Variants in MYO5A observed in about 807,000 individuals in gnomAD.
MYO5A encodes unconventional myosin-Va.
MYO5A carries 98 observed loss-of-function variants against 249.7 expected under a neutral mutation model. The ratio of observed to expected loss-of-function variants is 0.39; its 90% CI spans 0.33 to 0.46. The LOEUF is 0.46. Ranked by LOEUF, MYO5A falls within the 20% of genes least tolerant of loss-of-function variation. MYO5A has a pLI of 0.98. For synonymous variants in MYO5A, 778 were observed against 810.6 expected, an observed-to-expected ratio of 0.96 and a Z score of 0.68; for missense variants, 1,696 against 2,308.8, an observed-to-expected ratio of 0.73 and a Z score of 5.44.
In MYO5A at chr15:52,327,961, G is replaced by A; in HGVS notation, c.4601C>T (p.Pro1534Leu). The A allele has an allele frequency of 1.2e-6, 2 of 1,613,372 alleles. No individual in the cohort carries two copies. Among genetic ancestry groups the A allele is most frequent in the Non-Finnish European group, 1.7e-6 (2 of 1,179,440 alleles). ...GVAVNLIPGL[P>L]AYILFMCVRH... ...AACACACATGAACAGGATATATGCC[G>A]GTAATCCTGGAATCAAATTGACTGC... The change falls in exon 36 of 42, where the codon CCG (proline) becomes CTG (leucine). Residue 1534 changes from proline to leucine, a missense_variant. By Grantham distance (98) the Pro-to-Leu change is moderately conservative. Transcript: ENST00000399233.
intron 21 of MYO5A, among the ~76,000 whole-genome samples, chr15:52,371,569 A>C (rs1007026229): frequency 6.6e-6 from 1 of 152,168 alleles, no homozygotes; most frequent in Non-Finnish European, 1.5e-5. Context: ...TAAAGGTTTG[A>C]AGCATTAGTA....
At chr15:52,418,120 T>G (rs1185681429) in intron 4 of MYO5A, among the ~76,000 whole-genome samples, 1 of 152,130 alleles carries the variant, frequency 6.6e-6, no homozygotes, top group Non-Finnish European at 1.5e-5. Context: ...AAATGAAGGC[T>G]CAGAATCAGA....
chr15:52,496,441 C>T (rs1288860090), intron 1 of MYO5A, among the ~76,000 whole-genome samples: 1 of 152,168 alleles, frequency 6.6e-6, no homozygotes, highest in Non-Finnish European at 1.5e-5. Context: ...ACTAGGTTGC[C>T]ACTCCTGGTC....
intron 29 of MYO5A, among the ~76,000 whole-genome samples, chr15:52,348,599 G>A (rs2039774696): frequency 6.6e-6 from 1 of 152,152 alleles, no homozygotes; most frequent in Non-Finnish European, 1.5e-5. Flanking sequence ...TAGAAGTCAT[G>A]GAGTCCCCTC....
rs1157117343 is a variant in MYO5A at position 52,312,596 on chromosome 15, G to A, written c.*1100C>T. 2.0e-5 allele frequency: 3 copies of A among 152,228 alleles called. No individual in the cohort carries two copies. The highest frequency in any genetic ancestry group is 7.2e-5 in the African/African-American group (3 of 41,448). 9.4% of individuals were successfully genotyped at this position (152,228 alleles called of 1,614,324 possible). A position where few individuals can be genotyped will look rare whatever the true frequency, so the allele number is the denominator to read the frequency against. On this transcript the variant is annotated 3_prime_UTR_variant, in exon 42 of 42. Transcript: ENST00000399233. ...TGGTCTCCAACTCCTAACCTGAAGT[G>A]ATCCGCCCACCTTGGCTTCCCAAAG...
chr15:52,372,915 G>T (rs1456170733), intron 20 of MYO5A, among the ~76,000 whole-genome samples: 1 of 151,590 alleles, frequency 6.6e-6, no homozygotes, highest in Non-Finnish European at 1.5e-5. Context: ...GTCTGTAGAG[G>T]CCAACACTTG....
At chr15:52,366,481 T>C (rs116419295) in intron 23 of MYO5A, among the ~76,000 whole-genome samples, 1,658 of 152,014 alleles carry the variant, frequency 0.011, 25 homozygotes, top group African/African-American at 0.038. Context: ...ATATGTGGAT[T>C]CCTTATAAAC....
intron 1 of MYO5A, among the ~76,000 whole-genome samples, chr15:52,507,263 C>A (rs1232452196): frequency 2.0e-5 from 3 of 152,194 alleles, no homozygotes; most frequent in Non-Finnish European, 4.4e-5. Context: ...TAGTTAATTA[C>A]AACTGGGTGC....
In MYO5A at chr15:52,312,923, A is replaced by C. The variant is rs534394579; in HGVS notation, c.*773T>G. On this transcript the variant is annotated 3_prime_UTR_variant, in exon 42 of 42. Coordinates refer to ENST00000399233, the MANE Select transcript of MYO5A (RefSeq NM_001382347.1). The stretch of plus-strand genomic sequence containing the variant: ...ACTACATGACTTTCCAGTGTCTGCT[A>C]CTTGTGCAGGTGAATCTGTAGGTAT... 9.8e-5 allele frequency: 15 copies of C among 152,662 alleles called. No homozygotes were observed. The highest frequency in any genetic ancestry group is 3.6e-4 in the African/African-American group (15 of 41,576). The allele number at this position is 152,662 out of a possible 1,614,324, so 9.5% of individuals were successfully genotyped here.
chr15:52,435,910 C>T (rs1029277842), intron 1 of MYO5A, among the ~76,000 whole-genome samples: 3 of 152,130 alleles, frequency 2.0e-5, no homozygotes, highest in Admixed American at 6.6e-5. Context: ...ATAGCCATCA[C>T]AGTTTTTTTG....
chr15:52,334,450 CAT>C (rs1487197864), intron 34 of MYO5A, among the ~76,000 whole-genome samples: 2 of 152,008 alleles, frequency 1.3e-5, no homozygotes, highest in East Asian at 1.9e-4. Context: ...CATTATAGCT[CAT>C]GTGTGTGTGA....
chr15:52,488,478 T>C (rs1426833791), intron 1 of MYO5A, among the ~76,000 whole-genome samples: 2 of 152,204 alleles, frequency 1.3e-5, no homozygotes. Flanking sequence ...ATTACAAATA[T>C]CAAAATTCTG....
intron 9 of MYO5A, among the ~76,000 whole-genome samples, chr15:52,399,243 G>A (rs1035536511): frequency 1.3e-5 from 2 of 152,000 alleles, no homozygotes; most frequent in African/African-American, 2.4e-5. Flanking sequence ...TATATCTTTC[G>A]AGGCTATGTC....
At chr15:52,485,047 G>A (rs2076789324) in intron 1 of MYO5A, among the ~76,000 whole-genome samples, 1 of 152,006 alleles carries the variant, frequency 6.6e-6, no homozygotes, top group South Asian at 2.1e-4. Context: ...TAAGTAAACT[G>A]TCTGTTCTTT....
At chr15:52,384,101 C>G (rs942129865) in intron 15 of MYO5A, 60 bp downstream of exon 15, 171 of 1,605,448 alleles carry the variant, frequency 1.1e-4, no homozygotes, top group Non-Finnish European at 1.4e-4. Flanking sequence ...GAGGGAAGAT[C>G]TGAGGTTTCA....
chr15:52,492,925 T>C (rs1375131399), intron 1 of MYO5A, among the ~76,000 whole-genome samples: 3 of 152,216 alleles, frequency 2.0e-5, no homozygotes, highest in Non-Finnish European at 4.4e-5. Flanking sequence ...TGGTAGTTTT[T>C]AAACATAGGA....
chr15:52,429,828 C>T (rs1429135900), intron 2 of MYO5A, among the ~76,000 whole-genome samples: 2 of 152,208 alleles, frequency 1.3e-5, no homozygotes, highest in East Asian at 3.9e-4. Context: ...TGATCTCGAA[C>T]TCCTGGCCTC....
intron 2 of MYO5A, among the ~76,000 whole-genome samples, chr15:52,432,493 A>C (rs2075562207): frequency 6.6e-6 from 1 of 152,242 alleles, no homozygotes. Context: ...TCTGTGTTCA[A>C]ATCTCACTTC....
rs1337795091 is a variant in MYO5A, at chr15:52,459,756, G to GC, written c.28-26472dup. Among the ~76,000 whole-genome samples, 3 of 151,874 alleles carry GC rather than the reference G, an allele frequency of 2.0e-5. No individual in the cohort carries two copies. In the South Asian group the frequency reaches 6.2e-4, roughly 32 times the overall value. On this transcript the variant is annotated intron_variant, in intron 1 of 41. Coordinates refer to ENST00000399233, the MANE Select transcript of MYO5A (RefSeq NM_001382347.1). ...CCAAAAGGGGCTGCCGGGCAGAGGG[G>GC]CCCCCCACCTCCCAGACGGGGCGGC...
Sources: gnomAD v4.1 joint callset for allele counts (sites outside exome capture counted in the v4.1 genomes callset) on GRCh38, gnomAD v4.1.1 for gene constraint, MANE v1.5 for transcripts, NCBI Gene and HGNC (gene_info 2026-07-23, HGNC 2026-07-21) for gene names.